Variants in ARHGAP15 observed in about 807,000 individuals in gnomAD.
ARHGAP15 encodes Rho GTPase activating protein 15.
In ARHGAP15, 51 loss-of-function variants were observed where a neutral mutation model predicts 63.7. That is an observed-to-expected ratio of 0.80 (90% CI 0.64 to 1.01). The LOEUF is 1.01. Among genes scored for constraint, ARHGAP15 ranks in the 50% least tolerant of loss-of-function variants. The pLI, the probability that ARHGAP15 is intolerant of heterozygous loss-of-function variation, is 0.00. For synonymous variants in ARHGAP15, 191 were observed against 193.8 expected (o/e 0.99, Z 0.12); for missense variants, 560 against 564.6 (o/e 0.99, Z 0.08).
chr2:143,567,190 G>A (rs1164003252), intron 11 of ARHGAP15, among the ~76,000 whole-genome samples: 2 of 152,060 alleles, frequency 1.3e-5, no homozygotes, highest in Non-Finnish European at 2.9e-5. Context: ...TATCACCTCA[G>A]TGCTTGCCTT....
chr2:143,629,893 T>A (rs1053567383), intron 12 of ARHGAP15, among the ~76,000 whole-genome samples: 10 of 152,312 alleles, frequency 6.6e-5, no homozygotes, highest in African/African-American at 2.2e-4. Context: ...TAAAAAGAAA[T>A]TAGTTTTTAG....
At chr2:143,393,858 C>T (rs558265423) in intron 6 of ARHGAP15, among the ~76,000 whole-genome samples, 60 of 152,048 alleles carry the variant, frequency 3.9e-4, no homozygotes, top group African/African-American at 1.2e-3. Flanking sequence ...ACCGTACAGC[C>T]GATCTGACTG....
chr2:143,701,338 A>G (rs2105417888), intron 12 of ARHGAP15, among the ~76,000 whole-genome samples: 1 of 152,252 alleles, frequency 6.6e-6, no homozygotes. Context: ...ATTGAATTGG[A>G]CTTTTGTAAG....
intron 13 of ARHGAP15, among the ~76,000 whole-genome samples, chr2:143,722,844 T>G (rs1685122836): frequency 6.6e-6 from 1 of 151,994 alleles, no homozygotes; most frequent in African/African-American, 2.4e-5. Flanking sequence ...GAGTGCAGGG[T>G]GGGGCCAGGT....
intron 5 of ARHGAP15, among the ~76,000 whole-genome samples, chr2:143,248,312 G>A (rs1190518544): frequency 2.0e-5 from 3 of 152,152 alleles, no homozygotes; most frequent in African/African-American, 4.8e-5. Flanking sequence ...AGGTAAACAG[G>A]TGGTGTAAAG....
At chr2:143,707,115 G>T (rs1406505400) in intron 13 of ARHGAP15, among the ~76,000 whole-genome samples, 1 of 152,148 alleles carries the variant, frequency 6.6e-6, no homozygotes, top group Non-Finnish European at 1.5e-5. Context: ...TGCATGATGT[G>T]CTCAGTGTTA....
intron 13 of ARHGAP15, among the ~76,000 whole-genome samples, chr2:143,727,342 C>A (rs1404236965): frequency 6.6e-6 from 1 of 152,144 alleles, no homozygotes; most frequent in Non-Finnish European, 1.5e-5. Context: ...TACAGTCAAT[C>A]CTGCACTTTG....
intron 6 of ARHGAP15, among the ~76,000 whole-genome samples, chr2:143,350,258 T>C (rs983603536): frequency 1.3e-5 from 2 of 152,152 alleles, no homozygotes; most frequent in African/African-American, 4.8e-5. Flanking sequence ...TGATACTGCA[T>C]TTTGTGCCTC....
chr2:143,509,265 A>G (rs1693465193), intron 9 of ARHGAP15, among the ~76,000 whole-genome samples: 7 of 151,788 alleles, frequency 4.6e-5, no homozygotes, highest in Admixed American at 4.6e-4. Flanking sequence ...GGTAACTCCT[A>G]TTTATTTAGA....
chr2:143,134,635 T>TC (rs1689058953), intron 1 of ARHGAP15, among the ~76,000 whole-genome samples: 1 of 8,460 alleles, frequency 1.2e-4, no homozygotes, highest in South Asian at 1.8e-3. Context: ...TCCTTTTCTT[T>TC]TTTTTTTTTT....
chr2:143,323,889 C>T lies in ARHGAP15; in HGVS notation c.474+73289C>T, dbSNP rs182251948. 6.0e-3 allele frequency among the ~76,000 whole-genome samples: 491 copies of T among 81,532 alleles called. 2 individuals carry two copies. The highest frequency in any genetic ancestry group is 0.036 in the African/African-American group (461 of 12,828). The allele number at this position is 81,532 out of a possible 152,430, so 53.5% of individuals were successfully genotyped here. ...CAGCCTGGGTGACAGAGCAAGACTCCGTCTCAAAAAAAAAAAAAAAAAAAA... is the reference window on the plus strand; with the variant it reads ...CAGCCTGGGTGACAGAGCAAGACTCTGTCTCAAAAAAAAAAAAAAAAAAAA... On this transcript the variant is annotated intron_variant, in intron 6 of 13. Transcript: ENST00000295095.
At chr2:143,304,165 T>C (rs1683056031) in intron 6 of ARHGAP15, among the ~76,000 whole-genome samples, 1 of 152,176 alleles carries the variant, frequency 6.6e-6, no homozygotes, top group African/African-American at 2.4e-5. Context: ...GTATGTTTAT[T>C]GTGGCATTAT....
chr2:143,747,576 T>C (rs992615445), intron 13 of ARHGAP15, among the ~76,000 whole-genome samples: 9 of 152,206 alleles, frequency 5.9e-5, no homozygotes, highest in Non-Finnish European at 1.3e-4. Context: ...CACTGTTCTT[T>C]TTCTGTCTCC....
chr2:143,431,486 C>T (rs1000244023), intron 6 of ARHGAP15, among the ~76,000 whole-genome samples: 1 of 151,950 alleles, frequency 6.6e-6, no homozygotes, highest in African/African-American at 2.4e-5. Flanking sequence ...GTATTCATAT[C>T]CTTAATATAC....
At chr2:143,587,654 C>T in intron 11 of ARHGAP15, 1 of 458,514 alleles carries the variant, frequency 2.2e-6, no homozygotes, top group Non-Finnish European at 4.5e-6. Flanking sequence ...AGGATGAGGA[C>T]CTTCCTTTCC....
At chr2:143,736,108 G>A (rs1685734309) in intron 13 of ARHGAP15, among the ~76,000 whole-genome samples, 1 of 152,176 alleles carries the variant, frequency 6.6e-6, no homozygotes, top group East Asian at 1.9e-4. Context: ...GTCAGGCGCA[G>A]TGGCTCACGT....
intron 12 of ARHGAP15, among the ~76,000 whole-genome samples, chr2:143,698,917 T>C (rs1683965245): frequency 1.3e-5 from 2 of 152,274 alleles, no homozygotes; most frequent in South Asian, 2.1e-4. Context: ...TATCTCAAAG[T>C]CTTCTCAGAA....
intron 12 of ARHGAP15, among the ~76,000 whole-genome samples, chr2:143,631,029 C>T (rs1174544000): frequency 1.3e-5 from 2 of 152,218 alleles, no homozygotes; most frequent in East Asian, 3.9e-4. Flanking sequence ...GATCTGCTTC[C>T]TGTCACTATC....
chr2:143,367,824 A>G (rs965074070), intron 6 of ARHGAP15, among the ~76,000 whole-genome samples: 1 of 152,026 alleles, frequency 6.6e-6, no homozygotes, highest in Non-Finnish European at 1.5e-5. Flanking sequence ...GTTTGGATTC[A>G]TTGTACTGCA....
Sources: gnomAD v4.1 joint callset for allele counts (sites outside exome capture counted in the v4.1 genomes callset) on GRCh38, gnomAD v4.1.1 for gene constraint, MANE v1.5 for transcripts, NCBI Gene and HGNC (gene_info 2026-07-23, HGNC 2026-07-21) for gene names.